PLD5: variants seen among roughly 807,000 people sequenced by gnomAD.
PLD5 encodes the protein inactive phospholipase D5.
In PLD5, 36 loss-of-function variants were observed where a neutral mutation model predicts 61.1. The observed-to-expected ratio is 0.59, with a 90% CI of 0.45 to 0.78. The LOEUF is 0.78. Ranked by LOEUF, PLD5 falls within the 30% of genes least tolerant of loss-of-function variation. PLD5 has a pLI of 0.00. For synonymous variants in PLD5, 243 were observed against 242.8 expected, an observed-to-expected ratio of 1.00 and a Z score of -0.01; for missense variants, 515 against 644.4, an observed-to-expected ratio of 0.80 and a Z score of 2.17.
chr1:242,488,611 T>A (rs1202327706), intron 1 of PLD5, among the ~76,000 whole-genome samples: 1 of 152,148 alleles, frequency 6.6e-6, no homozygotes. Context: ...CAGGTGAAAC[T>A]ATTGTGATGG....
In PLD5 at chr1:242,161,039, T is replaced by G. The variant is rs1196700964; in HGVS notation, c.736-36374A>C. On this transcript the variant is annotated intron_variant, in intron 5 of 9. Coordinates refer to ENST00000536534, the MANE Select transcript of PLD5 (RefSeq NM_001372062.1). ...TCTTTTTTTATCAGTATTTTTAAGT[T>G]GGTACAATAATATTTACTGCATTGT... Among the ~76,000 whole-genome samples, 9 of 152,028 alleles carry G rather than the reference T, an allele frequency of 5.9e-5. 1 individual carries two copies. In the East Asian group the frequency reaches 1.3e-3, roughly 23 times the overall value.
At chr1:242,242,935 A>G (rs1428062955) in intron 4 of PLD5, among the ~76,000 whole-genome samples, 1 of 152,236 alleles carries the variant, frequency 6.6e-6, no homozygotes, top group Non-Finnish European at 1.5e-5. Flanking sequence ...TTATTACTAG[A>G]GAGTCTGTGC....
chr1:242,113,782 A>G, intron 7 of PLD5, 108 bp downstream of exon 7: 1 of 1,364,266 alleles, frequency 7.3e-7, no homozygotes. Flanking sequence ...GCTCTTCCTA[A>G]GGCAACCTGA....
At chr1:242,496,820 G>A (rs1401821616) in intron 1 of PLD5, among the ~76,000 whole-genome samples, 1 of 152,238 alleles carries the variant, frequency 6.6e-6, no homozygotes, top group Non-Finnish European at 1.5e-5. Context: ...TCCAGAAGCA[G>A]GATTATATGT....
intron 1 of PLD5, among the ~76,000 whole-genome samples, chr1:242,495,691 T>C (rs1033915855): frequency 6.6e-6 from 1 of 152,226 alleles, no homozygotes; most frequent in Non-Finnish European, 1.5e-5. Flanking sequence ...GGGAACAGAA[T>C]GTGATTAGTT....
At chr1:242,133,934 A>G (rs1450647248) in intron 5 of PLD5, among the ~76,000 whole-genome samples, 1 of 152,228 alleles carries the variant, frequency 6.6e-6, no homozygotes, top group African/African-American at 2.4e-5. Context: ...TTTTTAAGAC[A>G]GTTGAAAATT....
chr1:242,443,718 T>C (rs539792355), intron 1 of PLD5, among the ~76,000 whole-genome samples: 49 of 152,194 alleles, frequency 3.2e-4, no homozygotes, highest in Non-Finnish European at 6.2e-4. Context: ...TCCACATTTA[T>C]AGGAGGGCAT....
Position 242,337,401 on chromosome 1 carries a change from C to T in PLD5, c.326+10705G>A, listed in dbSNP as rs1338669272. Among the ~76,000 whole-genome samples, 5 of 118,920 alleles carry T rather than the reference C, an allele frequency of 4.2e-5. No homozygotes were observed. The South Asian group carries it at 1.4e-3, about 33-fold the overall frequency. The allele number at this position is 118,920 out of a possible 152,430, so 78.0% of individuals were successfully genotyped here. On this transcript the variant is annotated intron_variant, in intron 2 of 9. Transcript: ENST00000536534. ...ATCCCAGCACTTTGGGAGGTCAAGG[C>T]GGATGGATCATCTGAGGTCAGGAGT...
rs144084942 is a variant in PLD5 at position 242,264,411 on chromosome 1, A to G, written c.607+926T>C. Reference sequence around the variant, plus strand: ...GTCTTCTATGTGGTAATGACTTTCAATATGCTTTATCACTTCCAATTTTTC... The same window carrying G: ...GTCTTCTATGTGGTAATGACTTTCAGTATGCTTTATCACTTCCAATTTTTC... On this transcript the variant is annotated intron_variant, in intron 4 of 9. Coordinates refer to ENST00000536534, the MANE Select transcript of PLD5 (RefSeq NM_001372062.1). 3.4e-3 allele frequency among the ~76,000 whole-genome samples: 525 copies of G among 152,318 alleles called. 4 individuals are homozygous for G. The highest frequency in any genetic ancestry group is 0.012 in the African/African-American group (505 of 41,580).
chr1:242,099,630 C>A (rs1660535071), intron 9 of PLD5, among the ~76,000 whole-genome samples: 1 of 152,138 alleles, frequency 6.6e-6, no homozygotes, highest in Non-Finnish European at 1.5e-5. Context: ...CTGTATTTCT[C>A]CAAGTCTTAG....
At chr1:242,529,658 G>T (rs978651052), upstream of PLD5, among the ~76,000 whole-genome samples, 27 of 152,156 alleles carry the variant, frequency 1.8e-4, no homozygotes, top group African/African-American at 6.3e-4. Context: ...AGAGAACTGG[G>T]GAGGAGAGGG....
intron 4 of PLD5, among the ~76,000 whole-genome samples, chr1:242,254,208 T>C (rs1344642645): frequency 6.6e-6 from 1 of 152,126 alleles, no homozygotes; most frequent in African/African-American, 2.4e-5. Flanking sequence ...CACACTTGGG[T>C]AAATTAAGGC....
intron 5 of PLD5, among the ~76,000 whole-genome samples, chr1:242,175,291 TTCAACATATGCAAA>T (rs1186034470): frequency 6.6e-6 from 1 of 152,146 alleles, no homozygotes; most frequent in African/African-American, 2.4e-5. Context: ...GCATGGCTGG[TTCAACATATGCAAA>T]TCAATAAATG....
chr1:242,173,415 G>A (rs2148882362), intron 5 of PLD5, among the ~76,000 whole-genome samples: 1 of 152,284 alleles, frequency 6.6e-6, no homozygotes, highest in South Asian at 2.1e-4. Flanking sequence ...ACAAACAAAT[G>A]GAAGAACATT....
At chr1:242,291,622 C>T (rs1489615083) in intron 2 of PLD5, among the ~76,000 whole-genome samples, 8 of 151,868 alleles carry the variant, frequency 5.3e-5, no homozygotes, top group Admixed American at 3.9e-4. Flanking sequence ...TTGGCTAACA[C>T]GGTGAAACCC....
chr1:242,273,258 A>T (rs1674217300), intron 3 of PLD5, among the ~76,000 whole-genome samples: 2 of 151,748 alleles, frequency 1.3e-5, no homozygotes, highest in African/African-American at 4.8e-5. Context: ...ACATGAACTC[A>T]TTCTTTTTTA....
At chr1:242,435,719 G>T (rs898965662) in intron 1 of PLD5, among the ~76,000 whole-genome samples, 8 of 152,184 alleles carry the variant, frequency 5.3e-5, no homozygotes, top group Non-Finnish European at 8.8e-5. Context: ...AAGAGCAATG[G>T]GTGAGCATCC....
At chr1:242,289,769 C>T (rs1367784723) in intron 2 of PLD5, among the ~76,000 whole-genome samples, 1 of 152,148 alleles carries the variant, frequency 6.6e-6, no homozygotes, top group Non-Finnish European at 1.5e-5. Flanking sequence ...TTAGGGCTCA[C>T]AAAATACTTA....
At chr1:242,396,093 T>C (rs1663557497) in intron 1 of PLD5, among the ~76,000 whole-genome samples, 1 of 152,084 alleles carries the variant, frequency 6.6e-6, no homozygotes, top group South Asian at 2.1e-4. Flanking sequence ...TGATGCAACC[T>C]AACAGTTCCT....
Sources: gnomAD v4.1 joint callset for allele counts (sites outside exome capture counted in the v4.1 genomes callset) on GRCh38, gnomAD v4.1.1 for gene constraint, MANE v1.5 for transcripts, NCBI Gene and HGNC (gene_info 2026-07-23, HGNC 2026-07-21) for gene names.